The following UBE3A variants were observed in gnomAD, a reference collection of about 807,000 sequenced individuals.
UBE3A encodes ubiquitin-protein ligase E3A.
Under a neutral mutation model 83.4 loss-of-function variants are expected in UBE3A, and 6 were observed. The observed-to-expected ratio is 0.07, with a 90% CI of 0.04 to 0.14. The LOEUF is 0.14. Among genes scored for constraint, UBE3A ranks in the 10% least tolerant of loss-of-function variants. The pLI, the probability that UBE3A is intolerant of heterozygous loss-of-function variation, is 1.00. For synonymous variants in UBE3A, 337 were observed against 355.4 expected, an observed-to-expected ratio of 0.95 and a Z score of 0.58; for missense variants, 456 against 1,036.1, an observed-to-expected ratio of 0.44 and a Z score of 7.69.
In UBE3A at chr15:25,343,814, G is replaced by A. The variant is rs374430791; in HGVS notation, c.2355-3586C>T. ...AACGACCAGCTGAGCAGCAAAATGA[G>A]CAAAAGACTATATAAAACTATAAAC... On this transcript the variant is annotated intron_variant, in intron 11 of 12. Transcript: ENST00000648336. Among the ~76,000 whole-genome samples the A allele has an allele frequency of 6.2e-4, 95 of 152,200 alleles. 3 individuals carry two copies. Among genetic ancestry groups the A allele is most frequent in the African/African-American group, 1.9e-3 (79 of 41,550 alleles).
chr15:25,362,582 T>G (rs567253012), intron 6 of UBE3A, among the ~76,000 whole-genome samples: 1 of 152,230 alleles, frequency 6.6e-6, no homozygotes, highest in African/African-American at 2.4e-5. Context: ...CCAAAGGAAC[T>G]TGATATAGAC....
rs954775521 is a variant in UBE3A at position 25,375,460 on chromosome 15, C to T, written c.361+5G>A. On this transcript the variant is annotated splice_donor_5th_base_variant and intron_variant, in intron 5 of 12. Transcript: ENST00000648336. ...CAATTCTCAATTGAAAATAAAACATCTTACCTTTAAAATCAATTCTAGCGC... is the reference window on the plus strand; with the variant it reads ...CAATTCTCAATTGAAAATAAAACATTTTACCTTTAAAATCAATTCTAGCGC... 10 of 1,613,718 alleles carry T rather than the reference C, an allele frequency of 6.2e-6. No homozygotes were observed. The highest frequency in any genetic ancestry group is 8.5e-6 in the Non-Finnish European group (10 of 1,179,894).
At chr15:25,348,644 T>A (rs900749181) in intron 11 of UBE3A, among the ~76,000 whole-genome samples, 5 of 152,142 alleles carry the variant, frequency 3.3e-5, no homozygotes, top group Non-Finnish European at 1.5e-5. Flanking sequence ...ATAAGATCAA[T>A]ATATAAAAAT....
At chr15:25,364,641 G>GTTTTTTTTTTTTTTTTTTTTTTTTT (rs1260418313) in intron 6 of UBE3A, among the ~76,000 whole-genome samples, 1 of 132,484 alleles carries the variant, frequency 7.5e-6, no homozygotes, top group African/African-American at 3.1e-5. Flanking sequence ...GGTTTTTTTT[G>GTTTTTTTTTTTTTTTTTTTTTTTTT]TTTGTTTTTT....
intron 1 of UBE3A, among the ~76,000 whole-genome samples, chr15:25,413,631 C>T (rs2090388442): frequency 6.6e-6 from 1 of 152,226 alleles, no homozygotes; most frequent in South Asian, 2.1e-4. Flanking sequence ...ACATAATTCC[C>T]TCAACTCCAT....
chr15:25,336,292 A>G lies in UBE3A; in HGVS notation c.*2845T>C, dbSNP rs75754751. 6.6e-6 allele frequency: 1 copy of G among 152,164 alleles called. No individual in the cohort carries two copies. The highest frequency in any genetic ancestry group is 1.9e-4 in the East Asian group (1 of 5,188). 9.4% of individuals were successfully genotyped at this position (152,164 alleles called of 1,614,324 possible). On this transcript the variant is annotated 3_prime_UTR_variant, in exon 13 of 13. Transcript: ENST00000648336. ...ACTGGCGGAAAGTCAGAGAAAAAAA[A>G]TTACAGTAAGCAGGTAAAGGGATCA... is the stretch of plus-strand genomic sequence containing the variant.
intron 6 of UBE3A, among the ~76,000 whole-genome samples, chr15:25,365,520 G>A (rs997241844): frequency 3.3e-5 from 5 of 151,844 alleles, no homozygotes; most frequent in Admixed American, 2.0e-4. Flanking sequence ...AGGCCGAGGC[G>A]GGCGGATCAC....
Position 25,370,332 on chromosome 15 carries a change from C to G in UBE3A, c.1608+234G>C, listed in dbSNP as rs751317649. 6.6e-6 allele frequency among the ~76,000 whole-genome samples: 1 copy of G among 152,144 alleles called. No homozygotes were observed. The highest frequency in any genetic ancestry group is 1.5e-5 in the Non-Finnish European group (1 of 68,030). Reference sequence around the variant, plus strand: ...GATTTAGTTTTCAAGATTTAGAAAACCCATTCTTTTTCAAAGATAGCATGA... The same window carrying G: ...GATTTAGTTTTCAAGATTTAGAAAAGCCATTCTTTTTCAAAGATAGCATGA... On this transcript the variant is annotated intron_variant, in intron 6 of 12. Transcript: ENST00000648336. This position sits in a 1 kb window ranked among gnomAD's most constrained non-coding sequence, Gnocchi z 4.2.
At chr15:25,402,588 C>G (rs9944204) in intron 4 of UBE3A, among the ~76,000 whole-genome samples, 7,872 of 152,150 alleles carry the variant, frequency 0.052, 704 homozygotes, top group African/African-American at 0.18. Flanking sequence ...GGGTATTGGC[C>G]TGAAGTTTGG....
intron 4 of UBE3A, among the ~76,000 whole-genome samples, chr15:25,376,672 G>C (rs1355878428): frequency 6.9e-6 from 1 of 145,352 alleles, no homozygotes; most frequent in African/African-American, 2.7e-5. Context: ...AAACCAAAAA[G>C]AAAAAGAAAA....
At chr15:25,374,730 T>C (rs962468943) in intron 5 of UBE3A, 4 of 152,166 alleles carry the variant, frequency 2.6e-5, no homozygotes, top group African/African-American at 9.7e-5. Flanking sequence ...TCTCTTAAAA[T>C]ACAATTGCCT....
chr15:25,365,967 A>T (rs1401112566), intron 6 of UBE3A, among the ~76,000 whole-genome samples: 1 of 152,192 alleles, frequency 6.6e-6, no homozygotes, highest in Non-Finnish European at 1.5e-5. Context: ...GAGACCTGGA[A>T]TCCTGACTTC....
intron 1 of UBE3A, chr15:25,421,861 G>C (rs146408800): frequency 6.6e-4 from 100 of 152,280 alleles, no homozygotes; most frequent in African/African-American, 1.9e-3. Context: ...TGATGGGAAT[G>C]TAAAGTAGTA....
At chr15:25,353,443 G>A (rs536445389) in intron 11 of UBE3A, among the ~76,000 whole-genome samples, 12 of 152,234 alleles carry the variant, frequency 7.9e-5, no homozygotes, top group African/African-American at 2.6e-4. Context: ...TGTGAAACTG[G>A]CATGTATGAA....
chr15:25,394,731 T>A (rs753952168), intron 4 of UBE3A, among the ~76,000 whole-genome samples: 1 of 152,178 alleles, frequency 6.6e-6, no homozygotes, highest in Non-Finnish European at 1.5e-5. Flanking sequence ...CTTATCAGTT[T>A]ATATATATAC....
At position 25,363,691 on chromosome 15, in the gene UBE3A, TTTTTA is replaced by T. The variant is rs1368675946; in HGVS notation, c.1609-3169_1609-3165del. Among the ~76,000 whole-genome samples, 4 of 152,174 alleles carry T rather than the reference TTTTTA, an allele frequency of 2.6e-5. No homozygotes were observed. In the East Asian group the frequency reaches 5.8e-4, roughly 22 times the overall value. On this transcript the variant is annotated intron_variant, in intron 6 of 12. Transcript: ENST00000648336. ...ATTTTTTTTTTAGGATTATGAGTGA[TTTTTA>T]TTTTCCTTATTCTTTTCCATATTTT...
At chr15:25,431,610 T>C (rs1418594496) in intron 1 of UBE3A, among the ~76,000 whole-genome samples, 1 of 152,146 alleles carries the variant, frequency 6.6e-6, no homozygotes, top group African/African-American at 2.4e-5. Flanking sequence ...CCCAAAGTGC[T>C]GGGATTACAG....
chr15:25,407,604 C>T (rs1440040515), intron 3 of UBE3A: 2 of 152,442 alleles, frequency 1.3e-5, no homozygotes, highest in Non-Finnish European at 2.9e-5. Flanking sequence ...TTAATTACTA[C>T]TTTTTACATA....
chr15:25,342,190 C>G (rs1332206811), intron 11 of UBE3A, among the ~76,000 whole-genome samples: 1 of 152,050 alleles, frequency 6.6e-6, no homozygotes, highest in African/African-American at 2.4e-5. Flanking sequence ...GCACAGAACC[C>G]TCCAACATAG....
Sources: allele counts gnomAD v4.1 joint callset (sites outside exome capture counted in the v4.1 genomes callset), GRCh38; gene constraint gnomAD v4.1.1; non-coding constraint Gnocchi (gnomAD v3.1); transcripts MANE v1.5; gene names NCBI Gene and HGNC (gene_info 2026-07-23, HGNC 2026-07-21).